TENM3: variants seen among roughly 807,000 people sequenced by gnomAD.
TENM3 encodes the protein teneurin transmembrane protein 3.
TENM3 carries 63 observed loss-of-function variants against 255.1 expected under a neutral mutation model. The ratio of observed to expected loss-of-function variants is 0.25; its 90% confidence interval spans 0.20 to 0.30. The LOEUF (loss-of-function observed/expected upper bound fraction) is 0.30, where lower values mean the gene tolerates loss of function less well. Ranked by LOEUF, TENM3 falls within the 10% of genes least tolerant of loss-of-function variation. The pLI is 1.00. For synonymous variants in TENM3, 1,306 were observed against 1,322.3 expected (o/e 0.99, Z 0.27); for missense variants, 2,929 against 3,461.1 (o/e 0.85, Z 3.86).
intron 1 of TENM3, among the ~76,000 whole-genome samples, chr4:182,195,023 TCACACACACACACACACA>T (rs70954299): frequency 3.7e-4 from 55 of 147,088 alleles, no homozygotes; most frequent in South Asian, 2.2e-3. Flanking sequence ...ACAGTCTCTA[TCACACACACACACACACA>T]CACACACACA....
chr4:181,709,093 T>G, the TENM3 span, among the ~76,000 whole-genome samples: 1 of 152,232 alleles, frequency 6.6e-6, no homozygotes, highest in Non-Finnish European at 1.5e-5. Flanking sequence ...AATACAGATA[T>G]AAAACTGTGC....
intron 2 of TENM3, among the ~76,000 whole-genome samples, chr4:182,324,723 C>T (rs1763282851): frequency 6.6e-6 from 1 of 152,188 alleles, no homozygotes; most frequent in African/African-American, 2.4e-5. Context: ...CCCAAGCAGT[C>T]CTGCTGTTTG....
intron 4 of TENM3, among the ~76,000 whole-genome samples, chr4:182,608,398 A>G (rs1409284964): frequency 6.6e-6 from 1 of 152,164 alleles, no homozygotes; most frequent in Non-Finnish European, 1.5e-5. Context: ...AGCATGGACT[A>G]CAGGTGTGGC....
the TENM3 span, among the ~76,000 whole-genome samples, chr4:181,590,686 A>G: frequency 6.6e-6 from 1 of 152,372 alleles, no homozygotes; most frequent in South Asian, 2.1e-4. Context: ...AGATGAGAAC[A>G]TAAAAGTCTA....
chr4:181,676,785 C>T, the TENM3 span, among the ~76,000 whole-genome samples: 1 of 152,064 alleles, frequency 6.6e-6, no homozygotes, highest in African/African-American at 2.4e-5. Context: ...CCTCAACACA[C>T]CCTGTTTTAT....
chr4:181,862,096 A>C, the TENM3 span, among the ~76,000 whole-genome samples: 1 of 152,112 alleles, frequency 6.6e-6, no homozygotes, highest in Non-Finnish European at 1.5e-5. Flanking sequence ...TTTTGTAGAT[A>C]CTGTCATTAT....
At chr4:182,734,321 GCT>G (rs1481903572) in intron 16 of TENM3, among the ~76,000 whole-genome samples, 4 of 152,184 alleles carry the variant, frequency 2.6e-5, no homozygotes, top group Non-Finnish European at 5.9e-5. Flanking sequence ...CCCAGGGCCA[GCT>G]GATGAATGGC....
the TENM3 span, among the ~76,000 whole-genome samples, chr4:182,067,033 C>T: frequency 6.6e-6 from 1 of 152,158 alleles, no homozygotes; most frequent in African/African-American, 2.4e-5. Flanking sequence ...CTGTGGATAC[C>T]TCTGTTCTGG....
intron 1 of TENM3, among the ~76,000 whole-genome samples, chr4:182,306,871 T>C (rs1762165894): frequency 6.6e-6 from 1 of 152,310 alleles, no homozygotes; most frequent in South Asian, 2.1e-4. Context: ...AACTACTCAA[T>C]TGAATGCTGC....
In TENM3 at chr4:182,799,909, C is replaced by T. The variant is rs764482268; in HGVS notation, c.7658C>T (p.Thr2553Ile). 1.2e-6 allele frequency: 2 copies of T among 1,606,762 alleles called. No homozygotes were observed. Among genetic ancestry groups the T allele is most frequent in the East Asian group, 4.5e-5 (2 of 44,566 alleles). ...GKDTHYFIKTTTPESDLGTLR... is the reference protein window; with the variant it reads ...GKDTHYFIKTITPESDLGTLR... ...GACACGCACTACTTCATCAAGACCA[C>T]CACGCCCGAGAGCGACCTGGGCACG... is the stretch of plus-strand genomic sequence containing the variant. Residue 2553 changes from threonine to isoleucine, a missense_variant, in exon 28 of 28, where the codon ACC (threonine) becomes ATC (isoleucine). Thr to Ile is a moderately conservative substitution (Grantham distance 89). Coordinates refer to ENST00000511685, the MANE Select transcript of TENM3 (RefSeq NM_001080477.4). The surrounding 1 kb of genome is among the most constrained non-coding windows in gnomAD (Gnocchi z 4.2).
chr4:182,134,819 C>A, the TENM3 span, among the ~76,000 whole-genome samples: 1 of 152,128 alleles, frequency 6.6e-6, no homozygotes, highest in Non-Finnish European at 1.5e-5. Flanking sequence ...TATGACTCTT[C>A]TACTGTTTCA....
rs1772468180 is a variant in TENM3 at position 182,441,342 on chromosome 4, A to G, written c.511+94413A>G. On this transcript the variant is annotated intron_variant, in intron 3 of 27. Coordinates refer to ENST00000511685, the MANE Select transcript of TENM3 (RefSeq NM_001080477.4). ...GAGAGACACAGACAGACAGACAGAA[A>G]GAGAAAAAGAAAACAATAATTACAG... Among the ~76,000 whole-genome samples, 3 of 152,158 alleles carry G rather than the reference A, an allele frequency of 2.0e-5. No homozygotes were observed. The South Asian group carries it at 6.2e-4, about 31-fold the overall frequency.
At chr4:181,860,090 A>T in the TENM3 span, among the ~76,000 whole-genome samples, 1 of 152,320 alleles carries the variant, frequency 6.6e-6, no homozygotes, top group African/African-American at 2.4e-5. Flanking sequence ...GACTTTGCCC[A>T]TATCATCTTA....
At chr4:182,104,035 A>G in the TENM3 span, among the ~76,000 whole-genome samples, 1 of 152,208 alleles carries the variant, frequency 6.6e-6, no homozygotes, top group African/African-American at 2.4e-5. Context: ...CTTTGGCACT[A>G]TCCTGGGCTT....
rs1176434773 is a variant in TENM3, at chr4:182,414,508, A to G, written c.511+67579A>G. The stretch of plus-strand genomic sequence containing the variant: ...AATTAGTTTTTAATAATTTAATTTC[A>G]TGATGTGTGTGCACGAGGAAACCGA... On this transcript the variant is annotated intron_variant, in intron 3 of 27. Coordinates refer to ENST00000511685, the MANE Select transcript of TENM3 (RefSeq NM_001080477.4). Among the ~76,000 whole-genome samples the G allele has an allele frequency of 3.9e-5, 6 of 152,328 alleles. No homozygotes were observed. In the East Asian group the frequency reaches 1.2e-3, roughly 29 times the overall value.
At chr4:181,639,782 C>T in the TENM3 span, among the ~76,000 whole-genome samples, 1 of 152,096 alleles carries the variant, frequency 6.6e-6, no homozygotes, top group Admixed American at 6.5e-5. Flanking sequence ...GAGTGGTGCT[C>T]TTCCCTTAGC....
the TENM3 span, among the ~76,000 whole-genome samples, chr4:181,719,082 T>C: frequency 1.3e-5 from 2 of 151,360 alleles, no homozygotes; most frequent in Non-Finnish European, 3.0e-5. Context: ...GGCGGGCGCC[T>C]GTAGTCCCAG....
At chr4:182,354,221 G>A (rs1269515783) in intron 3 of TENM3, among the ~76,000 whole-genome samples, 2 of 152,254 alleles carry the variant, frequency 1.3e-5, no homozygotes, top group East Asian at 3.9e-4. Context: ...CAGAATATAT[G>A]CCATCTCTGT....
chr4:182,112,744 G>A, the TENM3 span, among the ~76,000 whole-genome samples: 19 of 152,216 alleles, frequency 1.2e-4, no homozygotes, highest in South Asian at 6.2e-4. Context: ...TCATTTTTGC[G>A]TTTATGCTAA....
Sources: gnomAD v4.1 joint callset for allele counts (sites outside exome capture counted in the v4.1 genomes callset) on GRCh38, gnomAD v4.1.1 for gene constraint, Gnocchi (gnomAD v3.1) non-coding constraint, MANE v1.5 for transcripts, NCBI Gene and HGNC (gene_info 2026-07-23, HGNC 2026-07-21) for gene names.